BBS9: variants seen among roughly 807,000 people sequenced by gnomAD.
BBS9 encodes Bardet-Biedl syndrome 9, also known as protein PTHB1.
Under a neutral mutation model 117.7 loss-of-function variants are expected in BBS9, and 89 were observed. The ratio of observed to expected loss-of-function variants is 0.76; its 90% CI spans 0.64 to 0.90. BBS9 has a LOEUF of 0.90. Among genes scored for constraint, BBS9 ranks in the 40% least tolerant of loss-of-function variants. The probability of loss-of-function intolerance (pLI) is 0.00; values close to 1 mark genes in which losing one functional copy is unlikely to be tolerated. For synonymous variants in BBS9, 379 were observed against 370.9 expected, an observed-to-expected ratio of 1.02 and a Z score of -0.25; for missense variants, 982 against 1,042.2, an observed-to-expected ratio of 0.94 and a Z score of 0.80.
intron 21 of BBS9, among the ~76,000 whole-genome samples, chr7:33,633,992 A>C (rs1016940176): frequency 6.6e-6 from 1 of 152,200 alleles, no homozygotes; most frequent in African/African-American, 2.4e-5. Context: ...CTGAGACCTA[A>C]GGACTGTTTT....
At chr7:33,221,472 A>G (rs1347310177) in intron 5 of BBS9, among the ~76,000 whole-genome samples, 1 of 152,232 alleles carries the variant, frequency 6.6e-6, no homozygotes, top group Admixed American at 6.5e-5. Context: ...TAAAATATCT[A>G]TCTTTGGTTA....
rs1247435566 is a variant in BBS9 at position 33,499,113 on chromosome 7, TA to T, written c.2116-6346del. ...AATATTCATAATGCTATTTTATAGA[TA>T]AAACCCCCATGTCAACAAGAATCCT... is the stretch of plus-strand genomic sequence containing the variant. On this transcript the variant is annotated intron_variant, in intron 19 of 22. Coordinates refer to ENST00000242067, the MANE Select transcript of BBS9 (RefSeq NM_198428.3). Among the ~76,000 whole-genome samples, 96 of 152,304 alleles carry T rather than the reference TA, an allele frequency of 6.3e-4. 1 individual carries two copies. Among genetic ancestry groups the T allele is most frequent in the Non-Finnish European group, 1.1e-3 (77 of 68,020 alleles).
At chr7:33,289,887 C>G (rs997677704) in intron 9 of BBS9, among the ~76,000 whole-genome samples, 1 of 152,048 alleles carries the variant, frequency 6.6e-6, no homozygotes, top group Non-Finnish European at 1.5e-5. Context: ...ACTAAAAATA[C>G]AAAAATTAGC....
intron 5 of BBS9, among the ~76,000 whole-genome samples, chr7:33,207,892 C>G (rs945821188): frequency 6.6e-6 from 1 of 152,078 alleles, no homozygotes; most frequent in African/African-American, 2.4e-5. Flanking sequence ...ACTGAAACCT[C>G]TACCTCCTGG....
At chr7:33,569,413 A>G (rs148970342) in intron 21 of BBS9, among the ~76,000 whole-genome samples, 280 of 147,118 alleles carry the variant, frequency 1.9e-3, no homozygotes, top group African/African-American at 6.2e-3. Context: ...ATGTGTATAT[A>G]TATATAGTAG....
intron 19 of BBS9, among the ~76,000 whole-genome samples, chr7:33,463,180 A>G (rs746658139): frequency 3.9e-5 from 6 of 152,080 alleles, no homozygotes; most frequent in South Asian, 2.1e-4. Context: ...GATTGAGGCT[A>G]TTGTGCAGCT....
intron 2 of BBS9, among the ~76,000 whole-genome samples, chr7:33,147,326 G>A (rs1269480131): frequency 1.3e-5 from 2 of 151,820 alleles, no homozygotes; most frequent in African/African-American, 4.8e-5. Flanking sequence ...TTTGTTTACT[G>A]CATATAAATA....
chr7:33,279,299 C>T (rs989420090), intron 9 of BBS9, among the ~76,000 whole-genome samples: 2 of 152,178 alleles, frequency 1.3e-5, no homozygotes, highest in African/African-American at 4.8e-5. Context: ...TGGTCTTGAA[C>T]TTATGGCCTC....
At chr7:33,208,839 G>A (rs1787464551) in intron 5 of BBS9, among the ~76,000 whole-genome samples, 1 of 151,786 alleles carries the variant, frequency 6.6e-6, no homozygotes, top group Non-Finnish European at 1.5e-5. Flanking sequence ...GCACATAGTA[G>A]GATATATATT....
chr7:33,433,404 T>A (rs552722187), intron 19 of BBS9, among the ~76,000 whole-genome samples: 1 of 152,280 alleles, frequency 6.6e-6, no homozygotes, highest in South Asian at 2.1e-4. Flanking sequence ...TTTGGCAGAG[T>A]TGCAATAATT....
At chr7:33,440,686 G>T (rs1433359239) in intron 19 of BBS9, among the ~76,000 whole-genome samples, 1 of 152,132 alleles carries the variant, frequency 6.6e-6, no homozygotes, top group African/African-American at 2.4e-5. Context: ...CTGAATCACA[G>T]CACATTAAGT....
At chr7:33,333,187 A>T (rs1376959179) in intron 9 of BBS9, among the ~76,000 whole-genome samples, 1 of 152,136 alleles carries the variant, frequency 6.6e-6, no homozygotes, top group Non-Finnish European at 1.5e-5. Context: ...CCCAATATAT[A>T]GCCTTTTGTC....
intron 15 of BBS9, 164 bp from the exon 16 acceptor site, chr7:33,357,691 A>G (rs1819855748): frequency 2.6e-6 from 2 of 755,548 alleles, no homozygotes; most frequent in Admixed American, 2.0e-5. Flanking sequence ...GTAATGAAAT[A>G]TGAATCATGA....
intron 1 of BBS9, among the ~76,000 whole-genome samples, chr7:33,145,355 A>G (rs933134124): frequency 6.6e-6 from 1 of 152,198 alleles, no homozygotes; most frequent in Non-Finnish European, 1.5e-5. Context: ...CACATCTGCC[A>G]TATCAGCAAC....
In BBS9 at chr7:33,527,003, T is replaced by A. The variant is rs1196371822; in HGVS notation, c.2299-6951T>A. 2.0e-5 allele frequency among the ~76,000 whole-genome samples: 3 copies of A among 150,654 alleles called. No homozygotes were observed. The East Asian group carries it at 5.9e-4, about 30-fold the overall frequency. ...CAGCTGCAGGTCTGTTGCAATACCC[T>A]GCCGTGTGAGGTGTCAGTGTGCCCC... On this transcript the variant is annotated intron_variant, in intron 20 of 22. Coordinates refer to ENST00000242067, the MANE Select transcript of BBS9 (RefSeq NM_198428.3).
chr7:33,537,850 T>C (rs918955656), intron 21 of BBS9, among the ~76,000 whole-genome samples: 3 of 152,224 alleles, frequency 2.0e-5, no homozygotes, highest in Admixed American at 6.5e-5. Flanking sequence ...AATGTATACA[T>C]GAGTGGGCCT....
intron 19 of BBS9, among the ~76,000 whole-genome samples, chr7:33,409,505 T>C (rs1280603107): frequency 6.6e-6 from 1 of 152,230 alleles, no homozygotes; most frequent in Non-Finnish European, 1.5e-5. Flanking sequence ...TATCTTCTAT[T>C]GGTCTATGTG....
At chr7:33,187,989 T>C (rs1783409936) in intron 5 of BBS9, among the ~76,000 whole-genome samples, 1 of 151,426 alleles carries the variant, frequency 6.6e-6, no homozygotes, top group African/African-American at 2.4e-5. Context: ...AGATGAAGGG[T>C]TAACTATAAA....
At chr7:33,339,325 C>G (rs1395117922) in intron 10 of BBS9, among the ~76,000 whole-genome samples, 1 of 152,110 alleles carries the variant, frequency 6.6e-6, no homozygotes, top group African/African-American at 2.4e-5. Flanking sequence ...ACCAGCCACT[C>G]CAAGCTGCAA....
Sources: allele counts gnomAD v4.1 joint callset (sites outside exome capture counted in the v4.1 genomes callset), GRCh38; gene constraint gnomAD v4.1.1; transcripts MANE v1.5; gene names NCBI Gene and HGNC (gene_info 2026-07-23, HGNC 2026-07-21).